GRID2: variants seen among roughly 807,000 people sequenced by gnomAD.
GRID2 encodes the protein glutamate ionotropic receptor delta type subunit 2.
Under a neutral mutation model 114.8 loss-of-function variants are expected in GRID2, and 33 were observed. That is an observed-to-expected ratio of 0.29 (90% CI 0.22 to 0.38). The LOEUF (loss-of-function observed/expected upper bound fraction) is 0.38. Ranked by LOEUF, GRID2 falls within the 10% of genes least tolerant of loss-of-function variation. The pLI is 1.00. For missense variants in GRID2, 1,184 were observed against 1,257.7 expected, an observed-to-expected ratio of 0.94 and a Z score of 0.89; for synonymous variants, 505 against 449.9, an observed-to-expected ratio of 1.12 and a Z score of -1.55.
At chr4:92,490,332 TATTG>T (rs1723091747) in intron 1 of GRID2, among the ~76,000 whole-genome samples, 1 of 152,186 alleles carries the variant, frequency 6.6e-6, no homozygotes, top group Non-Finnish European at 1.5e-5. Context: ...TAGGTATCTT[TATTG>T]ATTTGTAAAA....
At chr4:93,503,959 G>C (rs1051127743) in intron 12 of GRID2, among the ~76,000 whole-genome samples, 3 of 152,014 alleles carry the variant, frequency 2.0e-5, no homozygotes, top group Non-Finnish European at 4.4e-5. Flanking sequence ...GTTATAAAGA[G>C]CCAGGATTTT....
chr4:92,812,855 T>A (rs539634032), intron 2 of GRID2, among the ~76,000 whole-genome samples: 1 of 152,286 alleles, frequency 6.6e-6, no homozygotes, highest in Admixed American at 6.5e-5. Context: ...AGTTTCCTTC[T>A]ACTTGACAGG....
chr4:93,454,556 G>A (rs745757446), intron 10 of GRID2, among the ~76,000 whole-genome samples: 2 of 151,906 alleles, frequency 1.3e-5, no homozygotes, highest in Non-Finnish European at 2.9e-5. Context: ...TATGAACTCG[G>A]TACACACAGA....
chr4:93,182,291 C>A (rs2149436830), intron 4 of GRID2, among the ~76,000 whole-genome samples: 1 of 102,964 alleles, frequency 9.7e-6, no homozygotes, highest in Middle Eastern at 6.1e-3. Flanking sequence ...AGCTTTTTTT[C>A]TGAAAATATC....
At chr4:93,332,585 G>C (rs1673325791) in intron 8 of GRID2, among the ~76,000 whole-genome samples, 1 of 151,982 alleles carries the variant, frequency 6.6e-6, no homozygotes, top group African/African-American at 2.4e-5. Context: ...ATCTACAAGA[G>C]AGCTGTTCAT....
chr4:93,121,898 A>G (rs558293703), intron 4 of GRID2, among the ~76,000 whole-genome samples: 2 of 152,278 alleles, frequency 1.3e-5, no homozygotes, highest in South Asian at 4.1e-4. Flanking sequence ...TTTATTTTGT[A>G]TATTTATTTG....
chr4:93,403,964 G>A (rs1436603695), intron 9 of GRID2, among the ~76,000 whole-genome samples: 1 of 152,066 alleles, frequency 6.6e-6, no homozygotes, highest in African/African-American at 2.4e-5. Context: ...GCCAAAAATG[G>A]AAACAACCCA....
intron 2 of GRID2, among the ~76,000 whole-genome samples, chr4:92,782,399 A>T (rs1036735342): frequency 9.9e-5 from 15 of 152,110 alleles, no homozygotes; most frequent in Admixed American, 2.0e-4. Context: ...CATTTTACAA[A>T]ATCAAGATGA....
chr4:92,449,261 T>C (rs924638452), intron 1 of GRID2, among the ~76,000 whole-genome samples: 1 of 152,198 alleles, frequency 6.6e-6, no homozygotes. Context: ...AGTTTTTGTT[T>C]TGTAATGCAA....
chr4:92,350,914 G>A (rs929492778), intron 1 of GRID2, among the ~76,000 whole-genome samples: 2 of 151,702 alleles, frequency 1.3e-5, no homozygotes, highest in African/African-American at 2.4e-5. Flanking sequence ...TCATATAAAT[G>A]GAATCATATA....
chr4:92,881,377 C>T (rs974805156), intron 2 of GRID2, among the ~76,000 whole-genome samples: 6 of 152,158 alleles, frequency 3.9e-5, no homozygotes, highest in Non-Finnish European at 8.8e-5. Flanking sequence ...ATTTACCTGT[C>T]ACTTTCCAAT....
intron 4 of GRID2, among the ~76,000 whole-genome samples, chr4:93,131,998 C>T (rs929570843): frequency 5.9e-5 from 9 of 152,030 alleles, no homozygotes; most frequent in Non-Finnish European, 1.2e-4. Flanking sequence ...TTATTCCCAC[C>T]TCAATCCATA....
chr4:93,300,185 C>G (rs933453683), intron 8 of GRID2, among the ~76,000 whole-genome samples: 1 of 152,008 alleles, frequency 6.6e-6, no homozygotes, highest in Non-Finnish European at 1.5e-5. Context: ...GTTAAGTGAT[C>G]ATCTCTCAGC....
chr4:93,311,634 G>T (rs992445228), intron 8 of GRID2, among the ~76,000 whole-genome samples: 1 of 152,190 alleles, frequency 6.6e-6, no homozygotes, highest in African/African-American at 2.4e-5. Context: ...TTAGCACAGA[G>T]TATTGAGAAA....
At chr4:93,321,051 G>A (rs1011670675) in intron 8 of GRID2, among the ~76,000 whole-genome samples, 1 of 152,050 alleles carries the variant, frequency 6.6e-6, no homozygotes, top group Non-Finnish European at 1.5e-5. Context: ...AATTGGGCAA[G>A]CTGATGTGGC....
chr4:93,617,179 G>A (rs770616638), intron 13 of GRID2, among the ~76,000 whole-genome samples: 54 of 152,218 alleles, frequency 3.5e-4, no homozygotes, highest in Non-Finnish European at 3.2e-4. Context: ...ACGTCTGTTA[G>A]CAAAATTTTG....
chr4:93,426,244 T>C (rs1475200706), intron 10 of GRID2, among the ~76,000 whole-genome samples: 1 of 152,180 alleles, frequency 6.6e-6, no homozygotes, highest in South Asian at 2.1e-4. Flanking sequence ...TAATACAAAA[T>C]GGGCAATCGT....
intron 1 of GRID2, among the ~76,000 whole-genome samples, chr4:93,798,548 A>G (rs1390297707): frequency 6.6e-6 from 1 of 152,196 alleles, no homozygotes; most frequent in African/African-American, 2.4e-5. Context: ...TTAAATCCAC[A>G]TAAGTGAGTA....
chr4:92,340,996 A>C lies in GRID2; in HGVS notation c.88+36252A>C, dbSNP rs1037413286. Among the ~76,000 whole-genome samples, 10 of 152,134 alleles carry C rather than the reference A, an allele frequency of 6.6e-5. No homozygotes were observed. The East Asian group carries it at 1.9e-3, about 29-fold the overall frequency. ...AAACCATTCCTGCAGTTTTGTGATA[A>C]GCAAATATTATAAATAAGTTAAGTT... is the stretch of plus-strand genomic sequence containing the variant. On this transcript the variant is annotated intron_variant, in intron 1 of 15. Coordinates refer to ENST00000282020, the MANE Select transcript of GRID2 (RefSeq NM_001510.4).
Sources: gnomAD v4.1 joint callset for allele counts (sites outside exome capture counted in the v4.1 genomes callset) on GRCh38, gnomAD v4.1.1 for gene constraint, MANE v1.5 for transcripts, NCBI Gene and HGNC (gene_info 2026-07-23, HGNC 2026-07-21) for gene names.